IL17RE: variants seen among roughly 807,000 people sequenced by gnomAD.
The protein encoded by IL17RE is interleukin-17 receptor E.
In IL17RE, 47 loss-of-function variants were observed where a neutral mutation model predicts 70.7. The ratio of observed to expected loss-of-function variants is 0.67; its 90% CI spans 0.53 to 0.85. IL17RE has a LOEUF of 0.85. Ranked by LOEUF, IL17RE falls within the 40% of genes least tolerant of loss-of-function variation. The pLI is 0.00. For synonymous variants in IL17RE, 372 were observed against 381.2 expected (o/e 0.98, Z 0.28); for missense variants, 850 against 893.9 (o/e 0.95, Z 0.63).
At chr3:9,906,928 G>A (rs1355117975) in intron 5 of IL17RE, 33 bp from the exon 6 acceptor site, 1 of 1,614,168 alleles carries the variant, frequency 6.2e-7, no homozygotes, top group Non-Finnish European at 8.5e-7. Context: ...CTAAGGCCAA[G>A]AGACAAGGCC....
chr3:9,903,388 G>A lies in IL17RE; in HGVS notation c.133-9G>A, dbSNP rs554900395. ...TCCTTTCTTTTCCCTACTGGGCCCT[G>A]TGCCTCAGGATGACAGTTTCACTGG... On this transcript the variant is annotated splice_polypyrimidine_tract_variant and intron_variant, in intron 1 of 15. Transcript: ENST00000383814. The A allele has an allele frequency of 1.7e-5, 28 of 1,613,904 alleles. No individual in the cohort carries two copies. Among genetic ancestry groups the A allele is most frequent in the Non-Finnish European group, 2.4e-5 (28 of 1,179,942 alleles).
intron 2 of IL17RE, 142 bp from the exon 3 acceptor site, chr3:9,903,890 G>T: frequency 1.0e-6 from 1 of 967,698 alleles, no homozygotes; most frequent in Non-Finnish European, 1.6e-6. Flanking sequence ...TATGAATGAG[G>T]AATCTGATCC....
Position 9,906,699 on chromosome 3 carries a change from C to A in IL17RE, c.367-7C>A. The A allele has an allele frequency of 6.2e-7, 1 of 1,614,132 alleles. No homozygotes were observed. The highest frequency in any genetic ancestry group is 8.5e-7 in the Non-Finnish European group (1 of 1,179,994). On this transcript the variant is annotated splice_polypyrimidine_tract_variant and splice_region_variant and intron_variant, in intron 4 of 15. Transcript: ENST00000383814. ...GGCCTGAGGCCAACCTTGTTCTCTG[C>A]CTTTAGAGGAAGCTGCTGCCTCGTC...
intron 8 of IL17RE, 61 bp downstream of exon 8, chr3:9,909,344 C>A: frequency 1.5e-6 from 2 of 1,354,586 alleles, no homozygotes; most frequent in Non-Finnish European, 1.1e-6. Flanking sequence ...CTGTCTCCTA[C>A]ACACACATGT....
At position 9,915,922 on chromosome 3, in the gene IL17RE, C is replaced by A; in HGVS notation, c.*115C>A. ...CTTGGGGTGCCTCGAGGACGACTGG[C>A]CGAAAAGCCGCATTCCCTGCCTCAC... On this transcript the variant is annotated 3_prime_UTR_variant, in exon 16 of 16. Coordinates refer to ENST00000383814, the MANE Select transcript of IL17RE (RefSeq NM_153480.2). The surrounding 1 kb of genome is among the most constrained non-coding windows in gnomAD (Gnocchi z 4.9). 7.5e-7 allele frequency: 1 copy of A among 1,331,050 alleles called. No homozygotes were observed. The highest frequency in any genetic ancestry group is 9.6e-7 in the Non-Finnish European group (1 of 1,042,432). 82.5% of individuals were successfully genotyped at this position (1,331,050 alleles called of 1,614,324 possible). A position where few individuals can be genotyped will look rare whatever the true frequency, so the allele number is the denominator to read the frequency against.
At chr3:9,903,144 C>G in intron 1 of IL17RE, 80 bp downstream of exon 1, 1 of 1,297,410 alleles carries the variant, frequency 7.7e-7, no homozygotes, top group East Asian at 2.3e-5. Context: ...CCTGTGCTAC[C>G]TCCGCAGTCC....
chr3:9,915,657 C>T lies in IL17RE; in HGVS notation c.1854C>T (p.Asp618=), dbSNP rs2083034069. The T allele has an allele frequency of 4.3e-6, 6 of 1,404,948 alleles. No homozygotes were observed. In the Admixed American group the frequency reaches 1.6e-4, roughly 38 times the overall value. 87.0% of individuals were successfully genotyped at this position (1,404,948 alleles called of 1,614,324 possible). The stretch of plus-strand genomic sequence containing the variant: ...TGCCGCGCTACCGCCTGCTGCGCGA[C>T]CTGCCGCGTCTGCTGCGGGCGCTGG... ...RALPRYRLLR[D]LPRLLRALDA... is the part of the protein sequence containing the mutation. The change falls in exon 16 of 16, where the codon GAC becomes GAT. Residue 618 remains aspartate, a synonymous_variant. Coordinates refer to ENST00000383814, the MANE Select transcript of IL17RE (RefSeq NM_153480.2). This position sits in a 1 kb window ranked among gnomAD's most constrained non-coding sequence, Gnocchi z 4.9.
chr3:9,914,709 T>C lies in IL17RE; in HGVS notation c.1379T>C (p.Leu460Pro). ...VSYRHLGLLI[L>P]ALLALLTLLG... ...TACAGACACCTGGGGCTCTTGATCC[T>C]GGCACTGCTGGCCCTCCTCACCCTA... The change falls in exon 15 of 16, where the codon CTG becomes CCG. Residue 460 changes from leucine (L) to proline (P), a missense_variant. Leu to Pro is a moderately conservative substitution (Grantham distance 98, BLOSUM62 -3). Coordinates refer to ENST00000383814, the MANE Select transcript of IL17RE (RefSeq NM_153480.2). 2 of 1,614,168 alleles carry C rather than the reference T, an allele frequency of 1.2e-6. No homozygotes were observed. The highest frequency in any genetic ancestry group is 1.7e-6 in the Non-Finnish European group (2 of 1,180,016).
chr3:9,911,055 C>G lies in IL17RE; in HGVS notation c.978+15C>G. ...AGTCAGATGGGGTGAGGACAGGTTC[C>G]CCCAGGACCAGGGTGGGCAGGGCTG... On this transcript the variant is annotated intron_variant, in intron 9 of 15. Coordinates refer to ENST00000383814, the MANE Select transcript of IL17RE (RefSeq NM_153480.2). 6.2e-7 allele frequency: 1 copy of G among 1,614,054 alleles called. No individual in the cohort carries two copies. Among genetic ancestry groups the G allele is most frequent in the Admixed American group, 1.7e-5 (1 of 60,010 alleles).
chr3:9,906,616 T>G, intron 4 of IL17RE, 90 bp from the exon 5 acceptor site: 2 of 1,518,760 alleles, frequency 1.3e-6, no homozygotes, highest in Non-Finnish European at 1.8e-6. Context: ...TTTGAGCAAC[T>G]TGCCTGTAGT....
rs1423052721 is a variant in IL17RE, at chr3:9,915,310, C to A, written c.1507C>A (p.Arg503Ser). Reference protein sequence around the residue: ...LHAADSEAQRRLVGALAELLR... With the variant: ...LHAADSEAQRSLVGALAELLR... ...CGCGGCGGACTCGGAGGCGCAGCGG[C>A]GCCTGGTGGGAGCGCTGGCTGAACT... Residue 503 changes from arginine to serine, a missense_variant, in exon 16 of 16, where the codon CGC (arginine) becomes AGC (serine). Coordinates refer to ENST00000383814, the MANE Select transcript of IL17RE (RefSeq NM_153480.2). This position sits in a 1 kb window ranked among gnomAD's most constrained non-coding sequence, Gnocchi z 4.9. The A allele has an allele frequency of 7.2e-7, 1 of 1,391,666 alleles. No individual in the cohort carries two copies. Among genetic ancestry groups the A allele is most frequent in the South Asian group, 1.6e-5 (1 of 61,710 alleles). 86.2% of individuals were successfully genotyped at this position (1,391,666 alleles called of 1,614,324 possible). A position where few individuals can be genotyped will look rare whatever the true frequency, so the allele number is the denominator to read the frequency against.
At position 9,911,199 on chromosome 3, in the gene IL17RE, G is replaced by A. The variant is rs1449101156; in HGVS notation, c.1026+25G>A. The A allele has an allele frequency of 8.7e-6, 14 of 1,614,050 alleles. No homozygotes were observed. In the African/African-American group the frequency reaches 1.5e-4, roughly 17 times the overall value. ...GGTACAACCATGGGTAAGAAAAGAT[G>A]TGGTGTAGTGGGTATTGCCTGGAGC... is the stretch of plus-strand genomic sequence containing the variant. On this transcript the variant is annotated intron_variant, in intron 10 of 15. Transcript: ENST00000383814.
At chr3:9,904,664 G>A (rs980463290) in intron 3 of IL17RE, among the ~76,000 whole-genome samples, 1 of 152,228 alleles carries the variant, frequency 6.6e-6, no homozygotes, top group Admixed American at 6.5e-5. Context: ...GCAGGCACCT[G>A]TAATCCCAGC....
At chr3:9,911,368 C>G in intron 11 of IL17RE, 68 bp downstream of exon 11, 2 of 1,612,982 alleles carry the variant, frequency 1.2e-6, no homozygotes. Context: ...TGTAACCAAG[C>G]TAAACCCCAG....
intron 13 of IL17RE, 145 bp downstream of exon 13, chr3:9,914,169 T>C (rs2082957231): frequency 1.4e-6 from 1 of 726,840 alleles, no homozygotes; most frequent in Non-Finnish European, 2.3e-6. Context: ...ACCATTTACA[T>C]ATATAAACAA....
At position 9,914,706 on chromosome 3, in the gene IL17RE, T is replaced by C. The variant is rs1425468380; in HGVS notation, c.1376T>C (p.Ile459Thr). The C allele has an allele frequency of 1.9e-6, 3 of 1,614,156 alleles. No homozygotes were observed. Among genetic ancestry groups the C allele is most frequent in the South Asian group, 2.2e-5 (2 of 91,084 alleles). Residue 459 changes from isoleucine (I) to threonine (T), a missense_variant, in exon 15 of 16, where the codon ATC becomes ACC. Coordinates refer to ENST00000383814, the MANE Select transcript of IL17RE (RefSeq NM_153480.2). ...TCTTACAGACACCTGGGGCTCTTGA[T>C]CCTGGCACTGCTGGCCCTCCTCACC... ...DVSYRHLGLL[I>T]LALLALLTLL...
Position 9,911,586 on chromosome 3 carries a change from A to G in IL17RE, c.1216A>G (p.Thr406Ala), listed in dbSNP as rs764017461. The G allele has an allele frequency of 4.3e-6, 7 of 1,612,238 alleles. No homozygotes were observed. In the Admixed American group the frequency reaches 5.0e-5, roughly 12 times the overall value. ...GQDTLVPPVY[T>A]VSQARGSSPV... Reference sequence around the variant, plus strand: ...GGACACTTTGGTGCCCCCCGTGTACACTGTCAGCCAGGTATGGCCTCGCCC... The same window carrying G: ...GGACACTTTGGTGCCCCCCGTGTACGCTGTCAGCCAGGTATGGCCTCGCCC... The change falls in exon 12 of 16, where the codon ACT (threonine) becomes GCT (alanine). Residue 406 changes from threonine (T) to alanine (A), a missense_variant. Transcript: ENST00000383814.
chr3:9,903,197 C>G (rs1481540468), intron 1 of IL17RE, 133 bp downstream of exon 1: 6 of 996,544 alleles, frequency 6.0e-6, no homozygotes, highest in South Asian at 1.5e-5. Context: ...TACCTAGTCT[C>G]AAAGGGGTAG....
intron 6 of IL17RE, among the ~76,000 whole-genome samples, 186 bp from the exon 7 acceptor site, chr3:9,908,053 C>A (rs2082801757): frequency 6.6e-6 from 1 of 152,156 alleles, no homozygotes; most frequent in Non-Finnish European, 1.5e-5. Context: ...CCACCTAGAG[C>A]ACCTAGAGCT....
Sources: allele counts gnomAD v4.1 joint callset (sites outside exome capture counted in the v4.1 genomes callset), GRCh38; gene constraint gnomAD v4.1.1; non-coding constraint Gnocchi (gnomAD v3.1); transcripts MANE v1.5; gene names NCBI Gene and HGNC (gene_info 2026-07-23, HGNC 2026-07-21).